Variants in LMX1A observed in about 807,000 individuals in gnomAD.
LMX1A encodes LIM homeobox transcription factor 1 alpha.
In LMX1A, 15 loss-of-function variants were observed where a neutral mutation model predicts 49.1. The ratio of observed to expected loss-of-function variants is 0.31; its 90% CI spans 0.20 to 0.47. The LOEUF is 0.47. LMX1A is among the 20% of genes least tolerant of loss of function. LMX1A has a pLI of 1.00. For missense variants in LMX1A, 372 were observed against 475.8 expected, an observed-to-expected ratio of 0.78 and a Z score of 2.03; for synonymous variants, 167 against 185.7, an observed-to-expected ratio of 0.90 and a Z score of 0.82.
chr1:165,251,550 A>C (rs1329691236), intron 3 of LMX1A, among the ~76,000 whole-genome samples: 1 of 152,188 alleles, frequency 6.6e-6, no homozygotes, highest in African/African-American at 2.4e-5. Context: ...CAGAGCCTAC[A>C]GCTGGAAGAT....
chr1:165,343,336 A>C (rs1408012758), intron 3 of LMX1A, among the ~76,000 whole-genome samples: 3 of 151,864 alleles, frequency 2.0e-5, no homozygotes, highest in Non-Finnish European at 4.4e-5. Context: ...TAACAACTAC[A>C]CTGTCTTGGC....
chr1:165,306,894 G>A (rs986604081), intron 3 of LMX1A, among the ~76,000 whole-genome samples: 3 of 152,166 alleles, frequency 2.0e-5, no homozygotes, highest in African/African-American at 4.8e-5. Context: ...ACCCTCCTCC[G>A]CCTCCCCCTG....
intron 7 of LMX1A, among the ~76,000 whole-genome samples, chr1:165,206,529 T>C (rs1651088439): frequency 6.6e-6 from 1 of 152,218 alleles, no homozygotes; most frequent in Non-Finnish European, 1.5e-5. Flanking sequence ...ACAGAGACTA[T>C]TTCCCACCAG....
chr1:165,208,379 G>A (rs767018261), intron 6 of LMX1A, among the ~76,000 whole-genome samples: 4 of 152,200 alleles, frequency 2.6e-5, no homozygotes, highest in Non-Finnish European at 4.4e-5. Context: ...GTCTTAGCAG[G>A]AATAGGGATT....
chr1:165,265,220 A>G (rs941704637), intron 3 of LMX1A, among the ~76,000 whole-genome samples: 1 of 149,280 alleles, frequency 6.7e-6, no homozygotes, highest in African/African-American at 2.5e-5. Context: ...AAAAAAAAAG[A>G]AAAAATGGAA....
intron 4 of LMX1A, among the ~76,000 whole-genome samples, chr1:165,231,755 AT>A (rs983977266): frequency 1.4e-4 from 21 of 150,184 alleles, no homozygotes; most frequent in African/African-American, 4.9e-4. Context: ...ATGTAAACTC[AT>A]TTAACAGACC....
intron 3 of LMX1A, among the ~76,000 whole-genome samples, chr1:165,332,308 T>G (rs79655406): frequency 4.5e-4 from 68 of 152,200 alleles, no homozygotes; most frequent in African/African-American, 1.0e-3. Context: ...AATTAAATGT[T>G]AATGAATGAA....
At chr1:165,312,287 GCTTATGAGCT>G (rs1481757668) in intron 3 of LMX1A, among the ~76,000 whole-genome samples, 1 of 152,178 alleles carries the variant, frequency 6.6e-6, no homozygotes, top group African/African-American at 2.4e-5. Flanking sequence ...GAAATCAGGA[GCTTATGAGCT>G]CTAAGTCCAG....
intron 3 of LMX1A, among the ~76,000 whole-genome samples, chr1:165,278,989 G>T (rs1297135118): frequency 6.6e-6 from 1 of 152,184 alleles, no homozygotes; most frequent in African/African-American, 2.4e-5. Context: ...GAGCTACTCT[G>T]CATCAAAGAA....
At chr1:165,238,565 G>GC (rs942365097) in intron 4 of LMX1A, among the ~76,000 whole-genome samples, 1 of 682 alleles carries the variant, frequency 1.5e-3, no homozygotes, top group Non-Finnish European at 0.011. Flanking sequence ...GGAACTGGAG[G>GC]TTAAAAGCAA....
intron 3 of LMX1A, among the ~76,000 whole-genome samples, chr1:165,279,076 AC>A (rs1391139850): frequency 6.6e-6 from 1 of 152,192 alleles, no homozygotes; most frequent in Non-Finnish European, 1.5e-5. Context: ...AACTTCTACC[AC>A]CAGCTGTATA....
At chr1:165,326,688 C>T (rs1311454712) in intron 3 of LMX1A, among the ~76,000 whole-genome samples, 1 of 152,164 alleles carries the variant, frequency 6.6e-6, no homozygotes. Flanking sequence ...TCCTTTTCTT[C>T]CCCAGTTCTT....
chr1:165,349,696 C>T (rs1000052172), intron 3 of LMX1A, among the ~76,000 whole-genome samples: 7 of 152,080 alleles, frequency 4.6e-5, no homozygotes, highest in African/African-American at 1.4e-4. Flanking sequence ...TAAAACGTCC[C>T]GAAGTCTTCC....
At chr1:165,348,789 T>C (rs1179805325) in intron 3 of LMX1A, among the ~76,000 whole-genome samples, 1 of 152,172 alleles carries the variant, frequency 6.6e-6, no homozygotes, top group Non-Finnish European at 1.5e-5. Context: ...CTGATGCTAA[T>C]AGATATCATT....
intron 3 of LMX1A, among the ~76,000 whole-genome samples, chr1:165,263,433 A>G (rs1241608682): frequency 6.6e-6 from 1 of 152,080 alleles, no homozygotes; most frequent in Non-Finnish European, 1.5e-5. Flanking sequence ...AACATCATGG[A>G]CTCACTTTTG....
At chr1:165,264,748 A>G (rs4657429) in intron 3 of LMX1A, among the ~76,000 whole-genome samples, 80,422 of 151,780 alleles carry the variant, frequency 0.53, 22,698 homozygotes, top group South Asian at 0.81. Flanking sequence ...CTTTAGCCCA[A>G]GAGTTTGAGA....
chr1:165,240,621 G>T (rs1246428461), intron 4 of LMX1A, among the ~76,000 whole-genome samples: 1 of 152,186 alleles, frequency 6.6e-6, no homozygotes, highest in East Asian at 1.9e-4. Context: ...TCAGGTGGCC[G>T]CCTGGAAGGA....
chr1:165,352,877 T>C (rs1463090901), intron 3 of LMX1A, among the ~76,000 whole-genome samples, 199 bp downstream of exon 3: 1 of 152,270 alleles, frequency 6.6e-6, no homozygotes. Flanking sequence ...CTCGGGCCAC[T>C]GCTGCGCGCA....
chr1:165,218,069 G>T (rs1273635160), intron 4 of LMX1A, among the ~76,000 whole-genome samples: 2 of 152,174 alleles, frequency 1.3e-5, no homozygotes, highest in Admixed American at 1.3e-4. Flanking sequence ...AATGGGCATG[G>T]CTGTGTTCCA....
Sources: allele counts gnomAD v4.1 joint callset (sites outside exome capture counted in the v4.1 genomes callset), GRCh38; gene constraint gnomAD v4.1.1; transcripts MANE v1.5; gene names NCBI Gene and HGNC (gene_info 2026-07-23, HGNC 2026-07-21).